The following SEC14L5 variants were observed in gnomAD, a reference collection of about 807,000 sequenced individuals.
SEC14L5 encodes the protein SEC14-like protein 5.
Under a neutral mutation model 84.6 loss-of-function variants are expected in SEC14L5, and 96 were observed. That is an observed-to-expected ratio of 1.13 (90% CI 0.96 to 1.34). SEC14L5 has a LOEUF of 1.34. Ranked by LOEUF, SEC14L5 falls within the 40% of genes most tolerant of loss-of-function variation. SEC14L5 has a pLI of 0.00. For missense variants in SEC14L5, 1,224 were observed against 942.5 expected, an observed-to-expected ratio of 1.30 and a Z score of -3.91; for synonymous variants, 546 against 383.4, an observed-to-expected ratio of 1.42 and a Z score of -4.95.
intron 13 of SEC14L5, 87 bp downstream of exon 13, chr16:5,007,573 G>C: frequency 9.6e-7 from 1 of 1,042,262 alleles, no homozygotes; most frequent in Non-Finnish European, 1.4e-6. Context: ...CTTGAGATGA[G>C]GATTCTTTTT....
Position 5,007,402 on chromosome 16 carries a change from A to G in SEC14L5, c.1488A>G (p.Glu496=). The stretch of plus-strand genomic sequence containing the variant: ...TCCCCAAGTCCCTCTACATGACAGA[A>G]GAGGAGCAGGAGCACACGGACCAGC... ...GLVPKSLYMT[E]EEQEHTDQLW... Residue 496 remains glutamate, a synonymous_variant, in exon 13 of 16, where the codon GAA becomes GAG. Transcript: ENST00000251170. 6.2e-7 allele frequency: 1 copy of G among 1,613,860 alleles called. No individual in the cohort carries two copies. Among genetic ancestry groups the G allele is most frequent in the Non-Finnish European group, 8.5e-7 (1 of 1,179,810 alleles).
chr16:4,972,840 C>G (rs1596617124), intron 2 of SEC14L5, among the ~76,000 whole-genome samples: 1 of 152,168 alleles, frequency 6.6e-6, no homozygotes, highest in African/African-American at 2.4e-5. Context: ...TTGGTTTGCT[C>G]TTGTCCATTA....
At chr16:5,003,624 G>GGGGGGGGGGTGCCCCCC in intron 11 of SEC14L5, 51 bp downstream of exon 11, 1 of 305,312 alleles carries the variant, frequency 3.3e-6, no homozygotes, top group African/African-American at 2.6e-5. Context: ...GGTGGGATGG[G>GGGGGGGGGGTGCCCCCC]AGGGGTTCCG....
chr16:5,006,169 C>G, intron 12 of SEC14L5, 121 bp downstream of exon 12: 1 of 978,494 alleles, frequency 1.0e-6, no homozygotes, highest in Admixed American at 2.4e-5. Context: ...CATGTGCACT[C>G]TGCCTAGGGC....
At chr16:4,959,012 C>T (rs957174860) in intron 1 of SEC14L5, among the ~76,000 whole-genome samples, 14 of 138,404 alleles carry the variant, frequency 1.0e-4, no homozygotes, top group African/African-American at 3.8e-4. Context: ...TGGGGGCCCT[C>T]AGTGTGAAGG....
intron 5 of SEC14L5, 68 bp from the exon 6 acceptor site, chr16:4,991,770 G>T: frequency 9.0e-7 from 1 of 1,114,618 alleles, no homozygotes; most frequent in Non-Finnish European, 1.3e-6. Flanking sequence ...GTGACTCCCT[G>T]TGGTGATCCT....
chr16:4,967,312 G>A (rs1014967096), intron 2 of SEC14L5, among the ~76,000 whole-genome samples: 15 of 152,064 alleles, frequency 9.9e-5, no homozygotes, highest in South Asian at 8.3e-4. Context: ...CCAGATTTCC[G>A]TTTTTTTATA....
intron 2 of SEC14L5, among the ~76,000 whole-genome samples, chr16:4,977,925 C>T (rs1414933301): frequency 6.6e-6 from 1 of 150,778 alleles, no homozygotes; most frequent in East Asian, 2.0e-4. Flanking sequence ...CTCAGCCTCC[C>T]GAGTAGCTGG....
intron 13 of SEC14L5, among the ~76,000 whole-genome samples, chr16:5,007,873 T>A (rs776699852): frequency 6.6e-6 from 1 of 150,666 alleles, no homozygotes; most frequent in Non-Finnish European, 1.5e-5. Flanking sequence ...CCCAAAGTTC[T>A]GGGATTATAG....
chr16:4,985,645 C>T (rs1427897645), intron 2 of SEC14L5, among the ~76,000 whole-genome samples: 1 of 152,086 alleles, frequency 6.6e-6, no homozygotes, highest in Non-Finnish European at 1.5e-5. Context: ...TGGTGATAAA[C>T]GTAAGGGCTT....
In SEC14L5 at chr16:4,972,334, C is replaced by G. The variant is rs575926443; in HGVS notation, c.63+12948C>G. On this transcript the variant is annotated intron_variant, in intron 2 of 15. Coordinates refer to ENST00000251170, the MANE Select transcript of SEC14L5 (RefSeq NM_014692.2). ...TATAGTTTTTTATTGTGATGAAATA[C>G]ACGTAACATAAAACTTCCCATTTAA... Among the ~76,000 whole-genome samples, 2 of 152,106 alleles carry G rather than the reference C, an allele frequency of 1.3e-5. 1 individual carries two copies. The highest frequency in any genetic ancestry group is 4.1e-4 in the South Asian group (2 of 4,828).
chr16:4,985,146 A>G (rs1322913307), intron 2 of SEC14L5, among the ~76,000 whole-genome samples: 1 of 152,170 alleles, frequency 6.6e-6, no homozygotes, highest in East Asian at 1.9e-4. Context: ...ATCCAAGTTC[A>G]TAAAGATTTA....
intron 8 of SEC14L5, 133 bp from the exon 9 acceptor site, chr16:5,000,522 A>C: frequency 3.0e-6 from 2 of 658,756 alleles, no homozygotes; most frequent in Non-Finnish European, 5.3e-6. Flanking sequence ...GGTGTTAGTA[A>C]GTGAAGGCTG....
chr16:4,963,467 C>T (rs1209428464), intron 2 of SEC14L5, among the ~76,000 whole-genome samples: 1 of 151,938 alleles, frequency 6.6e-6, no homozygotes, highest in East Asian at 1.9e-4. Flanking sequence ...TGCTTCAGCC[C>T]CCTGAGTAGC....
intron 2 of SEC14L5, among the ~76,000 whole-genome samples, chr16:4,983,843 C>T (rs1343139100): frequency 1.3e-5 from 2 of 151,436 alleles, no homozygotes; most frequent in Non-Finnish European, 2.9e-5. Context: ...CGCCATTGTA[C>T]TCCACCCTGG....
At chr16:5,005,261 G>C (rs1334923012) in intron 11 of SEC14L5, among the ~76,000 whole-genome samples, 3 of 152,084 alleles carry the variant, frequency 2.0e-5, no homozygotes, top group African/African-American at 7.2e-5. Context: ...CTTGCAGTGA[G>C]CCAAGATTGC....
chr16:4,987,294 G>C (rs1395105897), intron 2 of SEC14L5, among the ~76,000 whole-genome samples: 1 of 150,768 alleles, frequency 6.6e-6, no homozygotes, highest in East Asian at 1.9e-4. Context: ...CAGAGTCCCT[G>C]TGCTTCCTTC....
intron 14 of SEC14L5, among the ~76,000 whole-genome samples, chr16:5,010,279 G>T (rs552288474): frequency 1.0e-4 from 15 of 149,158 alleles, no homozygotes; most frequent in African/African-American, 3.7e-4. Context: ...CAGGAGAATC[G>T]CTTGAACCTA....
At chr16:4,985,844 A>G (rs1955480197) in intron 2 of SEC14L5, among the ~76,000 whole-genome samples, 1 of 151,464 alleles carries the variant, frequency 6.6e-6, no homozygotes, top group South Asian at 2.1e-4. Context: ...GTGAGTAGAT[A>G]GATATGTGCA....
Sources: allele counts gnomAD v4.1 joint callset (sites outside exome capture counted in the v4.1 genomes callset), GRCh38; gene constraint gnomAD v4.1.1; transcripts MANE v1.5; gene names NCBI Gene and HGNC (gene_info 2026-07-23, HGNC 2026-07-21).